TRAF7: variants seen among roughly 807,000 people sequenced by gnomAD.
TRAF7 encodes TNF receptor associated factor 7, also known as E3 ubiquitin-protein ligase TRAF7.
Under a neutral mutation model 89.3 loss-of-function variants are expected in TRAF7, and 45 were observed. The ratio of observed to expected loss-of-function variants is 0.50; its 90% CI spans 0.40 to 0.65. TRAF7 has a LOEUF of 0.65. Among genes scored for constraint, TRAF7 ranks in the 30% least tolerant of loss-of-function variants. The pLI, the probability that TRAF7 is intolerant of heterozygous loss-of-function variation, is 0.00. For synonymous variants in TRAF7, 406 were observed against 369.2 expected, an observed-to-expected ratio of 1.10 and a Z score of -1.14; for missense variants, 677 against 918.1, an observed-to-expected ratio of 0.74 and a Z score of 3.39.
intron 4 of TRAF7, among the ~76,000 whole-genome samples, chr16:2,169,847 C>T (rs897618366): frequency 6.6e-6 from 1 of 152,212 alleles, no homozygotes; most frequent in African/African-American, 2.4e-5. Context: ...GGGTTTCATA[C>T]CCAGGCTGCC....
chr16:2,176,343 C>T lies in TRAF7; in HGVS notation c.1957C>T (p.Arg653Trp). The T allele has an allele frequency of 3.7e-6, 6 of 1,604,472 alleles. No homozygotes were observed. The highest frequency in any genetic ancestry group is 5.1e-6 in the Non-Finnish European group (6 of 1,177,892). ...QGSVTALAVS[R>W]GRLFSGAVDS... is the part of the protein sequence containing the mutation. The stretch of plus-strand genomic sequence containing the variant: ...CAGTGTCACCGCGCTGGCTGTGTCC[C>T]GGGGCCGACTCTTCTCAGGGGCTGT... The change falls in exon 20 of 21, where the codon CGG becomes TGG. Residue 653 changes from arginine to tryptophan, a missense_variant. By Grantham distance (101) the Arg-to-Trp change is moderately radical. Around this residue, in one of 6 missense-constraint regions of TRAF7, gnomAD observed 23 missense variants for 31.7 expected, o/e 0.73. Coordinates refer to ENST00000326181, the MANE Select transcript of TRAF7 (RefSeq NM_032271.3).
rs1490278674 is a variant in TRAF7, at chr16:2,168,852, C to T, written c.231+684C>T. 6.6e-6 allele frequency among the ~76,000 whole-genome samples: 1 copy of T among 152,000 alleles called. No individual in the cohort carries two copies. Among genetic ancestry groups the T allele is most frequent in the Non-Finnish European group, 1.5e-5 (1 of 67,984 alleles). ...CCCAGGGGACAGAGGCCAACTCTACCCTGGGCATGAAGGACTGGCCCAGCA... is the reference window on the plus strand; with the variant it reads ...CCCAGGGGACAGAGGCCAACTCTACTCTGGGCATGAAGGACTGGCCCAGCA... On this transcript the variant is annotated intron_variant, in intron 4 of 20. Coordinates refer to ENST00000326181, the MANE Select transcript of TRAF7 (RefSeq NM_032271.3). The surrounding 1 kb of genome is among the most constrained non-coding windows in gnomAD (Gnocchi z 4.1).
intron 4 of TRAF7, among the ~76,000 whole-genome samples, chr16:2,169,823 C>T (rs778868011): frequency 2.0e-5 from 3 of 152,224 alleles, no homozygotes; most frequent in Non-Finnish European, 4.4e-5. Context: ...GACTGGTTTG[C>T]CTCTGTGCTC....
chr16:2,171,469 T>G, intron 6 of TRAF7, 103 bp from the exon 7 acceptor site: 1 of 1,572,242 alleles, frequency 6.4e-7, no homozygotes, highest in East Asian at 2.4e-5. Flanking sequence ...CTGTCCTGGC[T>G]GCACTGGGCT....
chr16:2,176,858 T>C lies in TRAF7; in HGVS notation c.*284T>C, dbSNP rs895484302. ...CCACCCTAGATGGAGCGAGGGCCTTTTTACTCACCTTTTCTACCGTTTTTA... is the reference window on the plus strand; with the variant it reads ...CCACCCTAGATGGAGCGAGGGCCTTCTTACTCACCTTTTCTACCGTTTTTA... On this transcript the variant is annotated 3_prime_UTR_variant, in exon 21 of 21. Coordinates refer to ENST00000326181, the MANE Select transcript of TRAF7 (RefSeq NM_032271.3). 4.5e-5 allele frequency: 26 copies of C among 580,206 alleles called. No individual in the cohort carries two copies. The highest frequency in any genetic ancestry group is 2.2e-5 in the Non-Finnish European group (7 of 323,944). 35.9% of individuals were successfully genotyped at this position (580,206 alleles called of 1,614,324 possible). A position where few individuals can be genotyped will look rare whatever the true frequency, so the allele number is the denominator to read the frequency against.
Position 2,168,172 on chromosome 16 carries a change from G to A in TRAF7, c.231+4G>A, listed in dbSNP as rs2093094428. The A allele has an allele frequency of 6.8e-6, 11 of 1,607,022 alleles. No individual in the cohort carries two copies. The highest frequency in any genetic ancestry group is 9.3e-6 in the Non-Finnish European group (11 of 1,177,788). Reference sequence around the variant, plus strand: ...GCGGGACGAGGAGGACAGCATGGTAGGTCCCTACCCCCAGGAGCCCGTGTG... The same window carrying A: ...GCGGGACGAGGAGGACAGCATGGTAAGTCCCTACCCCCAGGAGCCCGTGTG... On this transcript the variant is annotated splice_donor_region_variant and intron_variant, in intron 4 of 20. Transcript: ENST00000326181. This position sits in a 1 kb window ranked among gnomAD's most constrained non-coding sequence, Gnocchi z 4.1.
intron 5 of TRAF7, 86 bp from the exon 6 acceptor site, chr16:2,171,178 C>A: frequency 8.8e-7 from 1 of 1,134,174 alleles, no homozygotes; most frequent in South Asian, 1.4e-5. Context: ...ACAGCCAGGC[C>A]TGGAGCAAGA....
Position 2,158,776 on chromosome 16 carries a change from G to C in TRAF7, c.-39+2918G>C, listed in dbSNP as rs904434018. Among the ~76,000 whole-genome samples, 4 of 151,364 alleles carry C rather than the reference G, an allele frequency of 2.6e-5. No individual in the cohort carries two copies. The highest frequency in any genetic ancestry group is 2.0e-4 in the East Asian group (1 of 5,122). Reference sequence around the variant, plus strand: ...GGGAAGCGTGGGCTCGGCGGGGGGGGGGGGGACACTGCCACCCTTGGCTCT... The same window carrying C: ...GGGAAGCGTGGGCTCGGCGGGGGGGCGGGGGACACTGCCACCCTTGGCTCT... On this transcript the variant is annotated intron_variant, in intron 1 of 20. Coordinates refer to ENST00000326181, the MANE Select transcript of TRAF7 (RefSeq NM_032271.3). This position sits in a 1 kb window ranked among gnomAD's most constrained non-coding sequence, Gnocchi z 4.7.
In TRAF7 at chr16:2,165,935, A is replaced by G; in HGVS notation, c.138A>G (p.Lys46=). 1 of 1,614,120 alleles carries G rather than the reference A, an allele frequency of 6.2e-7. No individual in the cohort carries two copies. The highest frequency in any genetic ancestry group is 8.5e-7 in the Non-Finnish European group (1 of 1,179,964). The part of the protein sequence containing the change: ...PAFSAVTTIT[K]ADGTSTYKQH... ...TTTCAGCCGTCACCACCATCACAAAAGGTGAGCCCTTAAGCCAAGGCCAGC... is the reference window on the plus strand; with the variant it reads ...TTTCAGCCGTCACCACCATCACAAAGGGTGAGCCCTTAAGCCAAGGCCAGC... Residue 46 remains lysine, a splice_region_variant and synonymous_variant, in exon 3 of 21, where the codon AAA becomes AAG. Coordinates refer to ENST00000326181, the MANE Select transcript of TRAF7 (RefSeq NM_032271.3).
rs1258479089 is a variant in TRAF7 at position 2,159,828 on chromosome 16, C to T, written c.-39+3970C>T. On this transcript the variant is annotated intron_variant, in intron 1 of 20. Transcript: ENST00000326181. The surrounding 1 kb of genome is among the most constrained non-coding windows in gnomAD (Gnocchi z 6.5). ...GTTGCTGGAGGAGCTGCTTTAAGGC[C>T]GGGCCTGGCCCGAGCAGGGAGCTGC... 6.6e-6 allele frequency among the ~76,000 whole-genome samples: 1 copy of T among 152,234 alleles called. No homozygotes were observed. Among genetic ancestry groups the T allele is most frequent in the Non-Finnish European group, 1.5e-5 (1 of 68,026 alleles).
chr16:2,160,501 C>CAGG (rs2093053593), intron 1 of TRAF7, among the ~76,000 whole-genome samples: 1 of 107,648 alleles, frequency 9.3e-6, no homozygotes, highest in African/African-American at 3.8e-5. Flanking sequence ...GAGGTGTGGA[C>CAGG]CGGCGGGCGG....
chr16:2,176,530 C>A, intron 20 of TRAF7, 30 bp from the exon 21 acceptor site: 1 of 1,613,222 alleles, frequency 6.2e-7, no homozygotes, highest in South Asian at 1.1e-5. Flanking sequence ...GGCCGCAGGA[C>A]ATCCTGGTGA....
chr16:2,172,281 G>C lies in TRAF7; in HGVS notation c.566G>C (p.Arg189Pro). The C allele has an allele frequency of 6.2e-7, 1 of 1,612,904 alleles. No homozygotes were observed. The highest frequency in any genetic ancestry group is 8.5e-7 in the Non-Finnish European group (1 of 1,179,986). The change falls in exon 8 of 21, where the codon CGG becomes CCG. Residue 189 changes from arginine (R) to proline (P), a missense_variant. This residue lies in a region of TRAF7 where 238 missense variants were observed against 352.6 expected (regional missense o/e 0.67). Transcript: ENST00000326181. ...ATCGGGGAGCTCTTCATCCACTGCC[G>C]GCACGGCTGCCGGGTAGCGGGCAGC... ...EQIGELFIHC[R>P]HGCRVAGSGK...
At position 2,162,775 on chromosome 16, in the gene TRAF7, A is replaced by G. The variant is rs536963628; in HGVS notation, c.-38-1108A>G. On this transcript the variant is annotated intron_variant, in intron 1 of 20. Coordinates refer to ENST00000326181, the MANE Select transcript of TRAF7 (RefSeq NM_032271.3). This position sits in a 1 kb window ranked among gnomAD's most constrained non-coding sequence, Gnocchi z 5.0. ...ACAGTGCAGGTGGGCCCGGGGCAGG[A>G]GTCCTGGGCACGTGGCCTTCCTCCC... Among the ~76,000 whole-genome samples, 1 of 152,118 alleles carries G rather than the reference A, an allele frequency of 6.6e-6. No individual in the cohort carries two copies. The highest frequency in any genetic ancestry group is 1.9e-4 in the East Asian group (1 of 5,176).
chr16:2,167,337 T>C lies in TRAF7; in HGVS notation c.140-740T>C, dbSNP rs556341760. 2.0e-5 allele frequency among the ~76,000 whole-genome samples: 3 copies of C among 151,344 alleles called. No homozygotes were observed. The East Asian group carries it at 5.8e-4, about 29-fold the overall frequency. On this transcript the variant is annotated intron_variant, in intron 3 of 20. Coordinates refer to ENST00000326181, the MANE Select transcript of TRAF7 (RefSeq NM_032271.3). ...ACGGCAGCCTCTCGAGGCCTCAATC[T>C]CGAGCCCAGGGCTCATCGTGACATC...
chr16:2,158,778 G>GC lies in TRAF7; in HGVS notation c.-39+2920_-39+2921insC, dbSNP rs1567244679. Among the ~76,000 whole-genome samples, 1 of 151,162 alleles carries GC rather than the reference G, an allele frequency of 6.6e-6. No homozygotes were observed. The highest frequency in any genetic ancestry group is 2.1e-4 in the South Asian group (1 of 4,726). On this transcript the variant is annotated intron_variant, in intron 1 of 20. Coordinates refer to ENST00000326181, the MANE Select transcript of TRAF7 (RefSeq NM_032271.3). The surrounding 1 kb of genome is among the most constrained non-coding windows in gnomAD (Gnocchi z 4.7). ...GAAGCGTGGGCTCGGCGGGGGGGGG[G>GC]GGGACACTGCCACCCTTGGCTCTTG... is the stretch of plus-strand genomic sequence containing the variant.
Position 2,167,339 on chromosome 16 carries a change from G to A in TRAF7, c.140-738G>A, listed in dbSNP as rs1190546310. Reference sequence around the variant, plus strand: ...GGCAGCCTCTCGAGGCCTCAATCTCGAGCCCAGGGCTCATCGTGACATCTG... The same window carrying A: ...GGCAGCCTCTCGAGGCCTCAATCTCAAGCCCAGGGCTCATCGTGACATCTG... On this transcript the variant is annotated intron_variant, in intron 3 of 20. Coordinates refer to ENST00000326181, the MANE Select transcript of TRAF7 (RefSeq NM_032271.3). Among the ~76,000 whole-genome samples the A allele has an allele frequency of 4.0e-5, 6 of 151,576 alleles. No homozygotes were observed. The South Asian group carries it at 1.0e-3, about 26-fold the overall frequency.
chr16:2,170,313 C>G (rs547856268), intron 4 of TRAF7, among the ~76,000 whole-genome samples: 104 of 152,354 alleles, frequency 6.8e-4, no homozygotes, highest in Non-Finnish European at 1.2e-3. Context: ...AAGCAGGAAG[C>G]AGCCCGGGTA....
intron 1 of TRAF7, among the ~76,000 whole-genome samples, chr16:2,157,626 T>A (rs753998140): frequency 6.6e-6 from 1 of 152,004 alleles, no homozygotes; most frequent in African/African-American, 2.4e-5. Flanking sequence ...TTGGTGTGAC[T>A]CTCGGCCAGC....
Sources: allele counts gnomAD v4.1 joint callset (sites outside exome capture counted in the v4.1 genomes callset), GRCh38; gene constraint gnomAD v4.1.1; regional missense constraint gnomAD v4.1.1; non-coding constraint Gnocchi (gnomAD v3.1); transcripts MANE v1.5; gene names NCBI Gene and HGNC (gene_info 2026-07-23, HGNC 2026-07-21).